ZKSCAN3: variants seen among roughly 807,000 people sequenced by gnomAD.
The protein encoded by ZKSCAN3 is zinc finger with KRAB and SCAN domains 3.
A neutral mutation model predicts 30.7 loss-of-function variants in ZKSCAN3; 21 were observed. That is an observed-to-expected ratio of 0.68 (90% CI 0.49 to 0.99). The LOEUF (loss-of-function observed/expected upper bound fraction) is 0.99, where lower values mean the gene tolerates loss of function less well. Ranked by LOEUF, ZKSCAN3 falls within the 50% of genes least tolerant of loss-of-function variation. The pLI is 0.00. For synonymous variants in ZKSCAN3, 201 were observed against 246.7 expected (o/e 0.81, Z 1.73); for missense variants, 507 against 647.1 (o/e 0.78, Z 2.35).
In ZKSCAN3 at chr6:28,359,756, C is replaced by T; in HGVS notation, c.170C>T (p.Ala57Val). 1.2e-6 allele frequency: 2 copies of T among 1,614,208 alleles called. No individual in the cohort carries two copies. Among genetic ancestry groups the T allele is most frequent in the Non-Finnish European group, 1.7e-6 (2 of 1,180,020 alleles). ...TTCCGAGGCTTCCGCTACCCGGAGGCTGCAGGCCCCCGCGAGGCGCTGAGT... is the reference window on the plus strand; with the variant it reads ...TTCCGAGGCTTCCGCTACCCGGAGGTTGCAGGCCCCCGCGAGGCGCTGAGT... ...ERFRGFRYPE[A>V]AGPREALSRL... Residue 57 changes from alanine to valine, a missense_variant, in exon 2 of 6, where the codon GCT becomes GTT. Physicochemically the swap from Ala to Val is moderately conservative, Grantham distance 64 (BLOSUM62 0). Transcript: ENST00000252211.
chr6:28,365,609 A>C lies in ZKSCAN3; in HGVS notation c.941A>C (p.His314Pro). 1 of 1,614,270 alleles carries C rather than the reference A, an allele frequency of 6.2e-7. No homozygotes were observed. The change falls in exon 6 of 6, where the codon CAC (histidine) becomes CCC (proline). Residue 314 changes from histidine (H) to proline (P), a missense_variant. Transcript: ENST00000252211. ...AAAAATGCCACAGGAGGGAGGCGGC[A>C]CATCTGCCATGAATGTGGAAAGAGT... Reference protein sequence around the residue: ...KQKNATGGRRHICHECGKSFA... With the variant: ...KQKNATGGRRPICHECGKSFA...
Position 28,367,485 on chromosome 6 carries a change from C to T in ZKSCAN3, c.*1200C>T, listed in dbSNP as rs1012417271. ...TCTTTAATGTTTTCCTGTTGCTATT[C>T]TTTAAGGAAAAAACTTTCCTATTCA... On this transcript the variant is annotated 3_prime_UTR_variant, in exon 6 of 6. Transcript: ENST00000252211. 1.9e-4 allele frequency: 29 copies of T among 151,968 alleles called. No individual in the cohort carries two copies. The highest frequency in any genetic ancestry group is 6.5e-4 in the African/African-American group (27 of 41,368). The allele number at this position is 151,968 out of a possible 1,614,324, so 9.4% of individuals were successfully genotyped here.
At chr6:28,354,598 T>C (rs1765299709) in intron 1 of ZKSCAN3, among the ~76,000 whole-genome samples, 1 of 152,306 alleles carries the variant, frequency 6.6e-6, no homozygotes, top group Admixed American at 6.5e-5. Flanking sequence ...ACACATAAGC[T>C]CTGGGCACTT....
intron 2 of ZKSCAN3, chr6:28,360,769 T>G: frequency 1.0e-6 from 1 of 985,332 alleles, no homozygotes; most frequent in Non-Finnish European, 1.2e-6. Context: ...CTTAGCTTCA[T>G]TCTTTATAAA....
At chr6:28,364,004 C>T (rs920718839) in intron 5 of ZKSCAN3, among the ~76,000 whole-genome samples, 189 bp downstream of exon 5, 1 of 152,094 alleles carries the variant, frequency 6.6e-6, no homozygotes, top group Non-Finnish European at 1.5e-5. Context: ...GGGTCTTGCT[C>T]AGTCACTCAG....
In ZKSCAN3 at chr6:28,366,196, T is replaced by C. The variant is rs1765959808; in HGVS notation, c.1528T>C (p.Cys510Arg). ...KIHTGEKPYQ[C>R]NACGKGFTRI... is the part of the protein sequence containing the mutation. ...CCACACTGGTGAGAAACCCTATCAG[T>C]GTAATGCGTGTGGAAAAGGCTTCAC... The change falls in exon 6 of 6, where the codon TGT becomes CGT. Residue 510 changes from cysteine (C) to arginine (R), a missense_variant. Coordinates refer to ENST00000252211, the MANE Select transcript of ZKSCAN3 (RefSeq NM_024493.4). The C allele has an allele frequency of 3.1e-6, 5 of 1,593,280 alleles. No individual in the cohort carries two copies. The highest frequency in any genetic ancestry group is 4.3e-6 in the Non-Finnish European group (5 of 1,173,360).
intron 2 of ZKSCAN3, chr6:28,360,752 C>T (rs969398288): frequency 1.8e-5 from 18 of 985,354 alleles, no homozygotes; most frequent in South Asian, 4.7e-5. Context: ...AAAGTCAGTG[C>T]GAGTCTCTTA....
At chr6:28,358,466 T>A (rs1314820348) in intron 1 of ZKSCAN3, among the ~76,000 whole-genome samples, 1 of 152,236 alleles carries the variant, frequency 6.6e-6, no homozygotes, top group Non-Finnish European at 1.5e-5. Flanking sequence ...TTGTTTTTGT[T>A]ATTTTTTTTT....
intron 3 of ZKSCAN3, among the ~76,000 whole-genome samples, chr6:28,362,222 A>C (rs1242980043): frequency 6.6e-6 from 1 of 152,236 alleles, no homozygotes; most frequent in African/African-American, 2.4e-5. Flanking sequence ...TGGAGCTTAC[A>C]TTTAAGTGAG....
intron 3 of ZKSCAN3, among the ~76,000 whole-genome samples, chr6:28,362,182 G>A (rs1765795468): frequency 6.6e-6 from 1 of 152,194 alleles, no homozygotes; most frequent in African/African-American, 2.4e-5. Context: ...TCTGGGAATG[G>A]AACTGTGAGT....
At chr6:28,350,555 A>C (rs972809328) in intron 1 of ZKSCAN3, among the ~76,000 whole-genome samples, 2 of 152,184 alleles carry the variant, frequency 1.3e-5, no homozygotes, top group Admixed American at 1.3e-4. Context: ...TAAAATGGGG[A>C]TAATATTCCC....
At chr6:28,357,935 T>C (rs1765534696) in intron 1 of ZKSCAN3, among the ~76,000 whole-genome samples, 1 of 152,234 alleles carries the variant, frequency 6.6e-6, no homozygotes, top group African/African-American at 2.4e-5. Context: ...ACTTCAGATA[T>C]AATTGAGGGT....
chr6:28,363,288 T>G lies in ZKSCAN3; in HGVS notation c.551-15T>G, dbSNP rs1390433309. On this transcript the variant is annotated splice_polypyrimidine_tract_variant and intron_variant, in intron 3 of 5. Coordinates refer to ENST00000252211, the MANE Select transcript of ZKSCAN3 (RefSeq NM_024493.4). ...TGCCAGGGTACATCTCATCCAGAGCTTCTTTCCTTCTTAGTTCTCCAGGTC... is the reference window on the plus strand; with the variant it reads ...TGCCAGGGTACATCTCATCCAGAGCGTCTTTCCTTCTTAGTTCTCCAGGTC... 6 of 1,612,464 alleles carry G rather than the reference T, an allele frequency of 3.7e-6. No individual in the cohort carries two copies. The highest frequency in any genetic ancestry group is 5.1e-6 in the Non-Finnish European group (6 of 1,178,786).
chr6:28,353,725 G>C, intron 1 of ZKSCAN3: 1 of 421,000 alleles, frequency 2.4e-6, no homozygotes, highest in Non-Finnish European at 4.8e-6. Context: ...AACCTTGCGA[G>C]TGATTAAAGA....
chr6:28,357,943 G>A (rs1765535270), intron 1 of ZKSCAN3, among the ~76,000 whole-genome samples: 1 of 152,120 alleles, frequency 6.6e-6, no homozygotes, highest in South Asian at 2.1e-4. Context: ...TATAATTGAG[G>A]GTCTCACTAG....
rs1581733979 is a variant in ZKSCAN3, at chr6:28,359,789, G to C, written c.203G>C (p.Arg68Pro). ...CCCCGCGAGGCGCTGAGTCGGCTCC[G>C]AGAGCTCTGCCGACAGTGGCTGCAG... ...AGPREALSRL[R>P]ELCRQWLQPE... is the part of the protein sequence containing the mutation. Residue 68 changes from arginine to proline, a missense_variant, in exon 2 of 6, where the codon CGA (arginine) becomes CCA (proline). Transcript: ENST00000252211. 1 of 1,614,226 alleles carries C rather than the reference G, an allele frequency of 6.2e-7. No homozygotes were observed. The highest frequency in any genetic ancestry group is 1.3e-5 in the African/African-American group (1 of 75,060).
chr6:28,365,733 T>C lies in ZKSCAN3; in HGVS notation c.1065T>C (p.Ser355=). ...EECGKAFIGS[S]ALVIHQRVHT... ...GTGGCAAAGCCTTCATTGGGAGCTCTGCCCTTGTCATTCATCAGAGAGTCC... is the reference window on the plus strand; with the variant it reads ...GTGGCAAAGCCTTCATTGGGAGCTCCGCCCTTGTCATTCATCAGAGAGTCC... The change falls in exon 6 of 6, where the codon TCT becomes TCC. Residue 355 remains serine, a synonymous_variant. Coordinates refer to ENST00000252211, the MANE Select transcript of ZKSCAN3 (RefSeq NM_024493.4). 1 of 1,613,516 alleles carries C rather than the reference T, an allele frequency of 6.2e-7. No individual in the cohort carries two copies. Among genetic ancestry groups the C allele is most frequent in the Non-Finnish European group, 8.5e-7 (1 of 1,179,782 alleles).
rs17313059 is a variant in ZKSCAN3, at chr6:28,365,619, T to C, written c.951T>C (p.His317=). The C allele has an allele frequency of 0.06, 96,118 of 1,614,148 alleles. 4,006 individuals are homozygous for C. The highest frequency in any genetic ancestry group is 0.17 in the South Asian group (15,589 of 91,082). ...NATGGRRHIC[H]ECGKSFAQSS... ...CAGGAGGGAGGCGGCACATCTGCCA[T>C]GAATGTGGAAAGAGTTTTGCTCAAA... The change falls in exon 6 of 6, where the codon CAT becomes CAC. Residue 317 remains histidine (H), a synonymous_variant. Transcript: ENST00000252211.
In ZKSCAN3 at chr6:28,366,702, C is replaced by T. The variant is rs1765983212; in HGVS notation, c.*417C>T. The T allele has an allele frequency of 6.4e-6, 1 of 156,546 alleles. No individual in the cohort carries two copies. The highest frequency in any genetic ancestry group is 1.4e-5 in the Non-Finnish European group (1 of 70,958). 9.7% of individuals were successfully genotyped at this position (156,546 alleles called of 1,614,324 possible). A position where few individuals can be genotyped will look rare whatever the true frequency, so the allele number is the denominator to read the frequency against. ...TCAGATTCATAAAGTCTTATATCCCCCTCTGTGCCTTTTCTGCAGGTGCTA... is the reference window on the plus strand; with the variant it reads ...TCAGATTCATAAAGTCTTATATCCCTCTCTGTGCCTTTTCTGCAGGTGCTA... On this transcript the variant is annotated 3_prime_UTR_variant, in exon 6 of 6. Coordinates refer to ENST00000252211, the MANE Select transcript of ZKSCAN3 (RefSeq NM_024493.4).
Sources: allele counts gnomAD v4.1 joint callset (sites outside exome capture counted in the v4.1 genomes callset), GRCh38; gene constraint gnomAD v4.1.1; transcripts MANE v1.5; gene names NCBI Gene and HGNC (gene_info 2026-07-23, HGNC 2026-07-21).